The following MAPK12 variants were observed in gnomAD, a reference collection of about 807,000 sequenced individuals.
MAPK12 encodes the protein MAP kinase 12.
MAPK12 carries 49 observed loss-of-function variants against 49.1 expected under a neutral mutation model. That is an observed-to-expected ratio of 1.00 (90% CI 0.79 to 1.27). The LOEUF (loss-of-function observed/expected upper bound fraction) is 1.27. Ranked by LOEUF, MAPK12 falls within the 50% of genes most tolerant of loss-of-function variation. MAPK12 has a pLI of 0.00. For missense variants in MAPK12, 554 were observed against 502.4 expected, an observed-to-expected ratio of 1.10 and a Z score of -0.98; for synonymous variants, 251 against 209.7, an observed-to-expected ratio of 1.20 and a Z score of -1.70.
intron 2 of MAPK12, 47 bp downstream of exon 2, chr22:50,261,120 C>A: frequency 1.3e-6 from 2 of 1,513,266 alleles, no homozygotes; most frequent in South Asian, 1.2e-5. Flanking sequence ...CCAGCTGAAC[C>A]AAGCCGAGGC....
In MAPK12 at chr22:50,253,499, C is replaced by CGGGGGGGGGGGGGGGGGGGG; in HGVS notation, c.1025-20_1025-19insCCCCCCCCCCCCCCCCCCCC. ...GTAACACCTGGCGGGGGTGGGGGGGCGGGCACAACAGAGAGGGGGGTCAGC... is the reference window on the plus strand; with the variant it reads ...GTAACACCTGGCGGGGGTGGGGGGGCGGGGGGGGGGGGGGGGGGGGGGGCACAACAGAGAGGGGGGTCAGC... On this transcript the variant is annotated intron_variant, in intron 11 of 11. Transcript: ENST00000215659. 1 of 660,026 alleles carries CGGGGGGGGGGGGGGGGGGGG rather than the reference C, an allele frequency of 1.5e-6. No homozygotes were observed. The highest frequency in any genetic ancestry group is 2.1e-6 in the Non-Finnish European group (1 of 486,416). 40.9% of individuals were successfully genotyped at this position (660,026 alleles called of 1,614,324 possible). A position where few individuals can be genotyped will look rare whatever the true frequency, so the allele number is the denominator to read the frequency against.
At chr22:50,257,316 C>T in intron 3 of MAPK12, 123 bp from the exon 4 acceptor site, 1 of 694,552 alleles carries the variant, frequency 1.4e-6, no homozygotes, top group Non-Finnish European at 2.6e-6. Flanking sequence ...AAGGTCACCC[C>T]TGCAGCACAC....
At position 50,261,613 on chromosome 22, in the gene MAPK12, C is replaced by A. The variant is rs1271876159; in HGVS notation, c.-104G>T. The A allele has an allele frequency of 8.0e-6, 8 of 997,728 alleles. No homozygotes were observed. The highest frequency in any genetic ancestry group is 4.6e-5 in the South Asian group (1 of 21,654). 61.8% of individuals were successfully genotyped at this position (997,728 alleles called of 1,614,324 possible). On this transcript the variant is annotated 5_prime_UTR_variant, in exon 1 of 12. Coordinates refer to ENST00000215659, the MANE Select transcript of MAPK12 (RefSeq NM_002969.6). ...CGCCTCGGGCCGGCTCCGCGCCGCT[C>A]GTCCGCTCGCCCGCCCGCCCGCCGG... is the stretch of plus-strand genomic sequence containing the variant.
intron 8 of MAPK12, 31 bp downstream of exon 8, chr22:50,255,779 C>G (rs778005801): frequency 6.2e-7 from 1 of 1,611,910 alleles, no homozygotes; most frequent in African/African-American, 1.3e-5. Context: ...TCCCCACCCG[C>G]CCCTGGTGCC....
chr22:50,260,076 T>G (rs1601646114), intron 2 of MAPK12, among the ~76,000 whole-genome samples: 9 of 145,956 alleles, frequency 6.2e-5, no homozygotes, highest in Non-Finnish European at 9.0e-5. Flanking sequence ...TGTGACGGGG[T>G]GTCGAGGTGC....
At chr22:50,255,045 C>T in intron 11 of MAPK12, 152 bp downstream of exon 11, 2 of 1,501,532 alleles carry the variant, frequency 1.3e-6, no homozygotes, top group Non-Finnish European at 1.8e-6. Flanking sequence ...CTGCACAGGG[C>T]CCACAGGGTC....
intron 2 of MAPK12, among the ~76,000 whole-genome samples, chr22:50,260,302 A>G (rs2267986): frequency 0.66 from 100,252 of 151,516 alleles, 33,173 homozygotes; most frequent in Middle Eastern, 0.73. Flanking sequence ...CCGGTGGCTC[A>G]GATGACCCAG....
In MAPK12 at chr22:50,256,961, T is replaced by A. The variant is rs2065156945; in HGVS notation, c.430A>T (p.Ile144Phe). Residue 144 changes from isoleucine to phenylalanine, a missense_variant, in exon 5 of 12, where the codon ATC becomes TTC. Physicochemically the swap from Ile to Phe is conservative, Grantham distance 21 (BLOSUM62 0). Coordinates refer to ENST00000215659, the MANE Select transcript of MAPK12 (RefSeq NM_002969.6). ...CTGTGGATGATGCCGGCAGCGTGGA[T>A]ATACTGCGGGGGGCAGAGGATTTGG... Reference protein sequence around the residue: ...VYQMLKGLRYIHAAGIIHRDL... With the variant: ...VYQMLKGLRYFHAAGIIHRDL... 1 of 1,606,734 alleles carries A rather than the reference T, an allele frequency of 6.2e-7. No individual in the cohort carries two copies. Among genetic ancestry groups the A allele is most frequent in the Non-Finnish European group, 8.5e-7 (1 of 1,178,256 alleles).
At position 50,261,485 on chromosome 22, in the gene MAPK12, T is replaced by TGCGG. The variant is rs1388940096; in HGVS notation, c.21_24dup (p.Ser9ProfsTer45). The TGCGG allele has an allele frequency of 5.6e-6, 7 of 1,259,228 alleles. No homozygotes were observed. Among genetic ancestry groups the TGCGG allele is most frequent in the Non-Finnish European group, 7.2e-6 (7 of 978,358 alleles). The allele number at this position is 1,259,228 out of a possible 1,614,324, so 78.0% of individuals were successfully genotyped here. A position where few individuals can be genotyped will look rare whatever the true frequency, so the allele number is the denominator to read the frequency against. ...GTCACCTCCTGGCGGTAAAAGCCAC[T>TGCGG]GCGGGCGGGCGGCGGAGAGCTCATG... On this transcript the variant is annotated frameshift_variant, in exon 1 of 12. Transcript: ENST00000215659. LOFTEE classifies it high-confidence loss of function.
At chr22:50,259,605 C>T (rs1304854119) in intron 2 of MAPK12, among the ~76,000 whole-genome samples, 4 of 152,086 alleles carry the variant, frequency 2.6e-5, no homozygotes, top group South Asian at 2.1e-4. Context: ...CGGTGGAGCC[C>T]GGCGCGGTGG....
rs140699276 is a variant in MAPK12 at position 50,256,926 on chromosome 22, G to A, written c.456+9C>T. The A allele has an allele frequency of 1.2e-4, 197 of 1,605,394 alleles. No homozygotes were observed. The highest frequency in any genetic ancestry group is 1.5e-4 in the Non-Finnish European group (174 of 1,177,758). On this transcript the variant is annotated intron_variant, in intron 5 of 11. Coordinates refer to ENST00000215659, the MANE Select transcript of MAPK12 (RefSeq NM_002969.6). The stretch of plus-strand genomic sequence containing the variant: ...AGGGCTGATGAGCGGCTTCTCCACC[G>A]GGACTCACTCTGTGGATGATGCCGG...
rs569593415 is a variant in MAPK12 at position 50,253,909 on chromosome 22, G to A, written c.1025-429C>T. 9.4e-5 allele frequency: 18 copies of A among 191,642 alleles called. No individual in the cohort carries two copies. In the South Asian group the frequency reaches 1.4e-3, roughly 15 times the overall value. 11.9% of individuals were successfully genotyped at this position (191,642 alleles called of 1,614,324 possible). A position where few individuals can be genotyped will look rare whatever the true frequency, so the allele number is the denominator to read the frequency against. On this transcript the variant is annotated intron_variant, in intron 11 of 11. Transcript: ENST00000215659. ...ACCCAGGGACCCGTGGTCGTAAGGA[G>A]CACATGTGAATCTCAACCCATCCAG...
rs1157614415 is a variant in MAPK12, at chr22:50,261,194, G to C, written c.228C>G (p.Arg76=). The change falls in exon 2 of 12, where the codon CGC becomes CGG. Residue 76 remains arginine, a synonymous_variant. Transcript: ENST00000215659. ...TCTCGTGGCGCATGTGCTTGAGCAG[G>C]CGCAGCTCGCGGTAGGCGCGCTTGG... ...LFAKRAYREL[R]LLKHMRHENV... The C allele has an allele frequency of 9.4e-6, 15 of 1,592,636 alleles. No homozygotes were observed. Among genetic ancestry groups the C allele is most frequent in the Non-Finnish European group, 1.3e-5 (15 of 1,170,668 alleles).
chr22:50,257,990 G>C, intron 3 of MAPK12: 1 of 750,016 alleles, frequency 1.3e-6, no homozygotes, highest in Non-Finnish European at 2.5e-6. Context: ...TCCGGTGCTG[G>C]AGAGGGCCCA....
chr22:50,261,604 C>A lies in MAPK12; in HGVS notation c.-95G>T. On this transcript the variant is annotated 5_prime_UTR_variant, in exon 1 of 12. Transcript: ENST00000215659. ...CTCGGCGCGCGCCTCGGGCCGGCTC[C>A]GCGCCGCTCGTCCGCTCGCCCGCCC... 1 of 1,004,658 alleles carries A rather than the reference C, an allele frequency of 1.0e-6. No homozygotes were observed. 62.2% of individuals were successfully genotyped at this position (1,004,658 alleles called of 1,614,324 possible).
rs1329237395 is a variant in MAPK12, at chr22:50,258,228, C to G, written c.314+15G>C. 5 of 1,612,934 alleles carry G rather than the reference C, an allele frequency of 3.1e-6. No homozygotes were observed. The highest frequency in any genetic ancestry group is 2.2e-5 in the South Asian group (2 of 91,078). On this transcript the variant is annotated intron_variant, in intron 3 of 11. Coordinates refer to ENST00000215659, the MANE Select transcript of MAPK12 (RefSeq NM_002969.6). Reference sequence around the variant, plus strand: ...CACCCCTCGTGCCCAGCGGCCAGCCCAGGTCGGCACTCACAAGTCCGTGAA... The same window carrying G: ...CACCCCTCGTGCCCAGCGGCCAGCCGAGGTCGGCACTCACAAGTCCGTGAA...
At position 50,259,177 on chromosome 22, in the gene MAPK12, C is replaced by G. The variant is rs536304853; in HGVS notation, c.256-876G>C. On this transcript the variant is annotated intron_variant, in intron 2 of 11. Transcript: ENST00000215659. ...GAATGGACACAAGCTGGAAGGACAG[C>G]TCCGCCGGAGCCACGTGGGCCAGAG... 5.3e-5 allele frequency among the ~76,000 whole-genome samples: 8 copies of G among 152,302 alleles called. No homozygotes were observed. In the South Asian group the frequency reaches 1.7e-3, roughly 32 times the overall value.
chr22:50,255,076 C>T (rs769324556), intron 11 of MAPK12, 121 bp downstream of exon 11: 1 of 1,522,670 alleles, frequency 6.6e-7, no homozygotes, highest in Non-Finnish European at 8.8e-7. Flanking sequence ...CTACCCGGAG[C>T]CCCCAACTCA....
chr22:50,253,004 GGA>G lies in MAPK12; in HGVS notation c.*395_*396del, dbSNP rs2065114107. The stretch of plus-strand genomic sequence containing the variant: ...CAGGAAGGTCCACTGACGTCGCCCA[GGA>G]GAGGGGATGTCCCTGAGTTGGTGCC... On this transcript the variant is annotated 3_prime_UTR_variant, in exon 12 of 12. Transcript: ENST00000215659. The G allele has an allele frequency of 6.6e-6, 2 of 301,128 alleles. No individual in the cohort carries two copies. Among genetic ancestry groups the G allele is most frequent in the Non-Finnish European group, 6.5e-6 (1 of 154,704 alleles). The allele number at this position is 301,128 out of a possible 1,614,324, so 18.7% of individuals were successfully genotyped here.
Sources: gnomAD v4.1 joint callset for allele counts (sites outside exome capture counted in the v4.1 genomes callset) on GRCh38, gnomAD v4.1.1 for gene constraint, MANE v1.5 for transcripts, NCBI Gene and HGNC (gene_info 2026-07-23, HGNC 2026-07-21) for gene names.